TMEM150C: variants seen among roughly 807,000 people sequenced by gnomAD.
TMEM150C encodes the protein tentonin 3.
TMEM150C carries 10 observed loss-of-function variants against 29.9 expected under a neutral mutation model. The observed-to-expected ratio is 0.33, with a 90% CI of 0.21 to 0.57. The LOEUF is 0.57. Ranked by LOEUF, TMEM150C falls within the 20% of genes least tolerant of loss-of-function variation. The pLI, the probability that TMEM150C is intolerant of heterozygous loss-of-function variation, is 0.88. For missense variants in TMEM150C, 251 were observed against 303.6 expected, an observed-to-expected ratio of 0.83 and a Z score of 1.29; for synonymous variants, 101 against 112.5, an observed-to-expected ratio of 0.90 and a Z score of 0.64.
At chr4:82,532,756 TCTCA>T (rs1243442898) in intron 1 of TMEM150C, among the ~76,000 whole-genome samples, 24 of 149,416 alleles carry the variant, frequency 1.6e-4, no homozygotes, top group Non-Finnish European at 2.8e-4. Flanking sequence ...TGAGACAGAG[TCTCA>T]CTCTGCAGCC....
intron 7 of TMEM150C, among the ~76,000 whole-genome samples, chr4:82,489,182 TTACTC>T (rs1723254622): frequency 6.6e-6 from 1 of 151,578 alleles, no homozygotes; most frequent in Non-Finnish European, 1.5e-5. Context: ...ACACTTCTGA[TTACTC>T]CACTCCATGG....
At chr4:82,515,459 C>T (rs61316489) in intron 1 of TMEM150C, among the ~76,000 whole-genome samples, 13,329 of 152,044 alleles carry the variant, frequency 0.088, 770 homozygotes, top group African/African-American at 0.17. Context: ...AATCTCTTGG[C>T]CGGGCGCGGT....
In TMEM150C at chr4:82,535,753, T is replaced by C. The variant is rs551925238; in HGVS notation, c.-11+26153A>G. Reference sequence around the variant, plus strand: ...CTGGGTAGCAGCAGTAGTTTATGCATTAAAGAATATCTAATATGGGGAAGG... The same window carrying C: ...CTGGGTAGCAGCAGTAGTTTATGCACTAAAGAATATCTAATATGGGGAAGG... On this transcript the variant is annotated intron_variant, in intron 1 of 7. Transcript: ENST00000449862. Among the ~76,000 whole-genome samples the C allele has an allele frequency of 2.6e-5, 4 of 152,340 alleles. 1 individual carries two copies. In the South Asian group the frequency reaches 8.3e-4, roughly 32 times the overall value.
Position 82,523,204 on chromosome 4 carries a change from C to T in TMEM150C, c.-10-18537G>A, listed in dbSNP as rs114293214. 5.7e-3 allele frequency among the ~76,000 whole-genome samples: 861 copies of T among 152,206 alleles called. 8 individuals carry two copies. The highest frequency in any genetic ancestry group is 0.02 in the African/African-American group (820 of 41,528). ...AAAAGAGAAAGGCAGAAGGAAGAGG[C>T]TCCCCCGTACACAGCCAGAGGGATG... On this transcript the variant is annotated intron_variant, in intron 1 of 7. Transcript: ENST00000449862.
intron 5 of TMEM150C, among the ~76,000 whole-genome samples, chr4:82,498,844 T>C (rs901463386): frequency 6.6e-6 from 1 of 152,216 alleles, no homozygotes; most frequent in African/African-American, 2.4e-5. Context: ...CCTGCGTTGC[T>C]AGCTGTCCTA....
At chr4:82,525,971 C>T (rs112253274) in intron 1 of TMEM150C, among the ~76,000 whole-genome samples, 10,906 of 152,310 alleles carry the variant, frequency 0.072, 487 homozygotes, top group Non-Finnish European at 0.11. Flanking sequence ...GTGGCATGAT[C>T]ATGGCTCACA....
At chr4:82,530,599 A>C (rs546791780) in intron 1 of TMEM150C, among the ~76,000 whole-genome samples, 93 of 152,308 alleles carry the variant, frequency 6.1e-4, no homozygotes, top group Non-Finnish European at 1.0e-3. Context: ...CCTGTTCCAC[A>C]CTGAAGGCCT....
At chr4:82,488,385 C>T (rs1723228400) in intron 7 of TMEM150C, among the ~76,000 whole-genome samples, 1 of 152,206 alleles carries the variant, frequency 6.6e-6, no homozygotes, top group African/African-American at 2.4e-5. Context: ...GCAAATTAAA[C>T]TTCTCCATGA....
intron 1 of TMEM150C, among the ~76,000 whole-genome samples, chr4:82,535,528 G>C (rs1200796620): frequency 6.6e-6 from 1 of 152,150 alleles, no homozygotes; most frequent in Non-Finnish European, 1.5e-5. Context: ...GAAGCCACAG[G>C]TACACCTCAG....
At chr4:82,492,167 C>T (rs183875236) in intron 6 of TMEM150C, among the ~76,000 whole-genome samples, 1 of 151,898 alleles carries the variant, frequency 6.6e-6, no homozygotes, top group East Asian at 2.0e-4. Flanking sequence ...CTCACTCTGT[C>T]ACCCAGGCTG....
upstream of TMEM150C, chr4:82,562,092 T>C (rs777233141): frequency 8.3e-7 from 1 of 1,206,432 alleles, no homozygotes; most frequent in East Asian, 7.3e-5. Context: ...TCCCCGCTGC[T>C]AGGCCTTCGG....
intron 1 of TMEM150C, among the ~76,000 whole-genome samples, chr4:82,519,334 A>T (rs1724401005): frequency 1.3e-5 from 2 of 152,166 alleles, no homozygotes; most frequent in Non-Finnish European, 1.5e-5. Context: ...GGACACACAC[A>T]TTCCATGACC....
intron 7 of TMEM150C, among the ~76,000 whole-genome samples, chr4:82,489,308 T>A (rs1723258489): frequency 6.6e-6 from 1 of 152,014 alleles, no homozygotes; most frequent in Non-Finnish European, 1.5e-5. Flanking sequence ...CTCTCTGGGA[T>A]CTGTGTGGGG....
chr4:82,502,816 T>G, intron 4 of TMEM150C, 22 bp from the exon 5 acceptor site: 1 of 1,590,026 alleles, frequency 6.3e-7, no homozygotes, highest in Non-Finnish European at 8.6e-7. Flanking sequence ...TGAAATGTTT[T>G]ATAGTTACTA....
chr4:82,501,805 G>A (rs1249381845), intron 5 of TMEM150C, among the ~76,000 whole-genome samples: 1 of 152,156 alleles, frequency 6.6e-6, no homozygotes, highest in Non-Finnish European at 1.5e-5. Flanking sequence ...GGAATTTTGA[G>A]GGGTGGAGGT....
chr4:82,557,049 G>A (rs1725758978), intron 1 of TMEM150C, among the ~76,000 whole-genome samples: 1 of 152,134 alleles, frequency 6.6e-6, no homozygotes, highest in South Asian at 2.1e-4. Context: ...GCTGGGTGCG[G>A]GAGCATCACT....
At chr4:82,562,157 A>G (rs1363173904), upstream of TMEM150C, 2 of 1,277,958 alleles carry the variant, frequency 1.6e-6, no homozygotes, top group African/African-American at 1.5e-5. Flanking sequence ...GGCCCCTAAT[A>G]GTCACCCGGG....
chr4:82,531,426 T>C (rs1724841737), intron 1 of TMEM150C, among the ~76,000 whole-genome samples: 1 of 151,802 alleles, frequency 6.6e-6, no homozygotes. Flanking sequence ...AGAACACTCA[T>C]GTTTAGGGGG....
Position 82,485,394 on chromosome 4 carries a change from G to T in TMEM150C, c.*117C>A. On this transcript the variant is annotated 3_prime_UTR_variant, in exon 8 of 8. Coordinates refer to ENST00000449862, the MANE Select transcript of TMEM150C (RefSeq NM_001080506.3). ...AAGCTCATTTGGCAAATGTGGCCAT[G>T]AATGTGTGTGTGTGTGTGTGTGTGA... 2.6e-6 allele frequency: 2 copies of T among 780,170 alleles called. No individual in the cohort carries two copies. The highest frequency in any genetic ancestry group is 2.0e-6 in the Non-Finnish European group (1 of 491,276). 48.3% of individuals were successfully genotyped at this position (780,170 alleles called of 1,614,324 possible). A position where few individuals can be genotyped will look rare whatever the true frequency, so the allele number is the denominator to read the frequency against.
Sources: gnomAD v4.1 joint callset for allele counts (sites outside exome capture counted in the v4.1 genomes callset) on GRCh38, gnomAD v4.1.1 for gene constraint, MANE v1.5 for transcripts, NCBI Gene and HGNC (gene_info 2026-07-23, HGNC 2026-07-21) for gene names.